MYBL2: variants seen among roughly 807,000 people sequenced by gnomAD.
MYBL2 encodes MYB proto-oncogene like 2.
A neutral mutation model predicts 79.9 loss-of-function variants in MYBL2; 28 were observed. The ratio of observed to expected loss-of-function variants is 0.35; its 90% CI spans 0.26 to 0.48. MYBL2 has a LOEUF of 0.48. Among genes scored for constraint, MYBL2 ranks in the 20% least tolerant of loss-of-function variants. MYBL2 has a pLI of 0.99. For synonymous variants in MYBL2, 378 were observed against 361.2 expected (o/e 1.05, Z -0.53); for missense variants, 735 against 893.9 (o/e 0.82, Z 2.27).
At chr20:43,695,037 A>AT (rs3092677) in intron 6 of MYBL2, among the ~76,000 whole-genome samples, 130,288 of 144,148 alleles carry the variant, frequency 0.9, 58,891 homozygotes, top group South Asian at 0.93. Flanking sequence ...CAGGAGGTCA[A>AT]TTTTTTTTTT....
rs141358303 is a variant in MYBL2 at position 43,701,346 on chromosome 20, G to A, written c.952-1144G>A. On this transcript the variant is annotated intron_variant, in intron 7 of 13. Transcript: ENST00000217026. The stretch of plus-strand genomic sequence containing the variant: ...TGAATTGGGGTGTGGGCCTGAGGTC[G>A]GTCCTGCCCCCCAGCTGGCCTCCAC... Among the ~76,000 whole-genome samples, 9 of 152,272 alleles carry A rather than the reference G, an allele frequency of 5.9e-5. No individual in the cohort carries two copies. In the East Asian group the frequency reaches 1.7e-3, roughly 29 times the overall value.
At chr20:43,710,315 C>T (rs1287538148) in intron 10 of MYBL2, among the ~76,000 whole-genome samples, 1 of 152,210 alleles carries the variant, frequency 6.6e-6, no homozygotes, top group African/African-American at 2.4e-5. Context: ...TCCCGTGACA[C>T]TCAGCCTCAG....
chr20:43,669,989 G>A (rs779075289), intron 1 of MYBL2, among the ~76,000 whole-genome samples: 1 of 152,142 alleles, frequency 6.6e-6, no homozygotes, highest in Non-Finnish European at 1.5e-5. Context: ...CTGTAAGCGC[G>A]GCTATTCGGG....
At chr20:43,685,211 G>A (rs1002853609) in intron 4 of MYBL2, among the ~76,000 whole-genome samples, 10 of 151,224 alleles carry the variant, frequency 6.6e-5, no homozygotes, top group African/African-American at 2.2e-4. Context: ...ATGGAGTTTC[G>A]CTCTTGTTGC....
Position 43,667,249 on chromosome 20 carries a change from G to A in MYBL2, c.-35G>A. On this transcript the variant is annotated 5_prime_UTR_variant, in exon 1 of 14. Transcript: ENST00000217026. ...GGCTCCCGCTCCGGGCTCTGCCGGC[G>A]GGCGGGCGAGCGCGGCGCGGTCCGG... The A allele has an allele frequency of 8.2e-7, 1 of 1,214,160 alleles. No homozygotes were observed. The allele number at this position is 1,214,160 out of a possible 1,614,324, so 75.2% of individuals were successfully genotyped here.
At chr20:43,696,386 ATG>A (rs1987542104) in intron 6 of MYBL2, among the ~76,000 whole-genome samples, 1 of 151,694 alleles carries the variant, frequency 6.6e-6, no homozygotes, top group African/African-American at 2.4e-5. Context: ...GATTACAAGC[ATG>A]TGCCACCATG....
At chr20:43,705,810 C>T (rs1987768869) in intron 9 of MYBL2, among the ~76,000 whole-genome samples, 1 of 152,032 alleles carries the variant, frequency 6.6e-6, no homozygotes, top group Non-Finnish European at 1.5e-5. Context: ...ATGCCATTCT[C>T]CTGCCTCAGC....
chr20:43,690,329 C>G (rs1330993765), intron 5 of MYBL2, among the ~76,000 whole-genome samples: 1 of 152,106 alleles, frequency 6.6e-6, no homozygotes, highest in African/African-American at 2.4e-5. Context: ...CCTCAGCCTC[C>G]TGAGTAGCTG....
chr20:43,700,038 C>T lies in MYBL2; in HGVS notation c.945C>T (p.Ile315=), dbSNP rs917630277. 5.0e-6 allele frequency: 8 copies of T among 1,613,328 alleles called. No individual in the cohort carries two copies. In the African/African-American group the frequency reaches 5.3e-5, roughly 11 times the overall value. The change falls in exon 7 of 14, where the codon ATC becomes ATT. Residue 315 remains isoleucine, a synonymous_variant. Transcript: ENST00000217026. ...GCCTCTCTGAAGCCCTGGACTTGAT[C>T]GAGTCGGTATGTTGGTCACAACACT... is the stretch of plus-strand genomic sequence containing the variant. ...GSSLSEALDL[I]ESDPDAWCDL...
intron 7 of MYBL2, 126 bp downstream of exon 7, chr20:43,700,170 G>T: frequency 7.6e-7 from 1 of 1,310,120 alleles, no homozygotes. Flanking sequence ...GATGCTGAAT[G>T]CCTAGCCCTG....
intron 6 of MYBL2, among the ~76,000 whole-genome samples, chr20:43,697,002 G>A (rs1987559650): frequency 1.3e-5 from 2 of 152,306 alleles, no homozygotes; most frequent in Admixed American, 6.5e-5. Flanking sequence ...TGGGATTACA[G>A]GCGTGAGCCA....
At chr20:43,711,273 C>G (rs1439179016) in intron 10 of MYBL2, among the ~76,000 whole-genome samples, 2 of 152,236 alleles carry the variant, frequency 1.3e-5, no homozygotes. Context: ...CTGCTCCCAG[C>G]CATGGCAGGC....
Position 43,715,965 on chromosome 20 carries a change from A to G in MYBL2, c.1981A>G (p.Ser661Gly), listed in dbSNP as rs1568885188. The G allele has an allele frequency of 6.2e-7, 1 of 1,610,774 alleles. No individual in the cohort carries two copies. The highest frequency in any genetic ancestry group is 2.2e-5 in the East Asian group (1 of 44,822). The change falls in exon 14 of 14, where the codon AGT (serine) becomes GGT (glycine). Residue 661 changes from serine (S) to glycine (G), a missense_variant. Coordinates refer to ENST00000217026, the MANE Select transcript of MYBL2 (RefSeq NM_002466.4). The part of the protein sequence containing the change: ...SHFTTPAPMS[S>G]AWKTVACGGT... ...CCCTCTTGCCTCCTCCCAGATGTCC[A>G]GTGCCTGGAAGACGGTGGCCTGCGG...
chr20:43,703,270 G>C (rs1275690742), intron 8 of MYBL2, among the ~76,000 whole-genome samples: 1 of 152,210 alleles, frequency 6.6e-6, no homozygotes, highest in Non-Finnish European at 1.5e-5. Flanking sequence ...ATGATGGGTT[G>C]TCTCCAGCAC....
At chr20:43,674,640 C>T (rs955000887) in intron 2 of MYBL2, among the ~76,000 whole-genome samples, 30 of 151,660 alleles carry the variant, frequency 2.0e-4, no homozygotes, top group Non-Finnish European at 2.2e-4. Flanking sequence ...ATGATCTGCC[C>T]GCCTCGGCCT....
In MYBL2 at chr20:43,682,783, TC is replaced by T; in HGVS notation, c.187-10del. The T allele has an allele frequency of 6.2e-7, 1 of 1,613,642 alleles. No homozygotes were observed. The highest frequency in any genetic ancestry group is 8.5e-7 in the Non-Finnish European group (1 of 1,179,624). Reference sequence around the variant, plus strand: ...CTCACAGATTGGTTTGTTCTTCTGTTCTTTTCCCAGAACCGCACTGACCAGC... The same window carrying T: ...CTCACAGATTGGTTTGTTCTTCTGTTTTTTCCCAGAACCGCACTGACCAGC... On this transcript the variant is annotated splice_polypyrimidine_tract_variant and intron_variant, in intron 3 of 13. Transcript: ENST00000217026.
intron 10 of MYBL2, among the ~76,000 whole-genome samples, chr20:43,710,462 G>C (rs1178330721): frequency 6.6e-6 from 1 of 152,206 alleles, no homozygotes; most frequent in Non-Finnish European, 1.5e-5. Flanking sequence ...ACAGAGCACG[G>C]GAAAGCCCCT....
At chr20:43,712,208 C>T (rs574578543) in intron 11 of MYBL2, among the ~76,000 whole-genome samples, 48 of 152,296 alleles carry the variant, frequency 3.2e-4, no homozygotes, top group South Asian at 1.7e-3. Flanking sequence ...GCGTCGTTAG[C>T]TTTCATGACA....
chr20:43,713,391 CT>C (rs1264826252), intron 12 of MYBL2, among the ~76,000 whole-genome samples: 295 of 141,366 alleles, frequency 2.1e-3, no homozygotes, highest in Middle Eastern at 3.7e-3. Flanking sequence ...CTTTTTTTTT[CT>C]TTTTTTTTTT....
Sources: gnomAD v4.1 joint callset for allele counts (sites outside exome capture counted in the v4.1 genomes callset) on GRCh38, gnomAD v4.1.1 for gene constraint, MANE v1.5 for transcripts, NCBI Gene and HGNC (gene_info 2026-07-23, HGNC 2026-07-21) for gene names.